Variants in RELN observed in about 807,000 individuals in gnomAD.
RELN encodes reelin.
Under a neutral mutation model 427.6 loss-of-function variants are expected in RELN, and 108 were observed. The observed-to-expected ratio is 0.25, with a 90% CI of 0.22 to 0.30. RELN has a LOEUF of 0.30. RELN is among the 10% of genes least tolerant of loss of function. The pLI is 1.00. For missense variants in RELN, 3,715 were observed against 4,302.8 expected, an observed-to-expected ratio of 0.86 and a Z score of 3.82; for synonymous variants, 1,524 against 1,513.4, an observed-to-expected ratio of 1.01 and a Z score of -0.16.
At chr7:103,946,676 T>C (rs1796226327) in intron 1 of RELN, among the ~76,000 whole-genome samples, 1 of 152,212 alleles carries the variant, frequency 6.6e-6, no homozygotes, top group Admixed American at 6.5e-5. Context: ...TGAATAACAA[T>C]AGAGTTGCTA....
chr7:103,970,043 C>T (rs1174128432), intron 1 of RELN, among the ~76,000 whole-genome samples: 3 of 152,120 alleles, frequency 2.0e-5, no homozygotes, highest in Non-Finnish European at 4.4e-5. Context: ...GGCAAAAAAT[C>T]TGAGTCACCG....
chr7:103,709,133 ATTATTATTAGCTTTTCTG>A (rs1789724515), intron 8 of RELN, among the ~76,000 whole-genome samples: 1 of 152,102 alleles, frequency 6.6e-6, no homozygotes, highest in African/African-American at 2.4e-5. Context: ...TAATACTATT[ATTATTATTAGCTTTTCTG>A]TAGTATCTAT....
intron 10 of RELN, among the ~76,000 whole-genome samples, chr7:103,684,290 C>T (rs1257815326): frequency 6.6e-6 from 1 of 152,080 alleles, no homozygotes; most frequent in Non-Finnish European, 1.5e-5. Context: ...TAGGATTGGG[C>T]ACAGCGGGCT....
chr7:103,485,204 G>A (rs910054946), intron 61 of RELN, among the ~76,000 whole-genome samples: 14 of 118,912 alleles, frequency 1.2e-4, no homozygotes, highest in Admixed American at 4.8e-4. Flanking sequence ...GTTATCTCTA[G>A]ATTAAGTATA....
At chr7:103,809,281 G>T (rs1465038023) in intron 3 of RELN, among the ~76,000 whole-genome samples, 1 of 152,150 alleles carries the variant, frequency 6.6e-6, no homozygotes, top group African/African-American at 2.4e-5. Flanking sequence ...ACTCAGTGAG[G>T]TACTGGAGGA....
chr7:103,650,489 T>A, intron 15 of RELN, 106 bp from the exon 16 acceptor site: 1 of 772,228 alleles, frequency 1.3e-6, no homozygotes, highest in Non-Finnish European at 2.3e-6. Flanking sequence ...GGAAAAGCAC[T>A]AAAGTTTACC....
intron 2 of RELN, among the ~76,000 whole-genome samples, chr7:103,857,763 G>C (rs933366923): frequency 3.9e-5 from 6 of 152,220 alleles, no homozygotes; most frequent in African/African-American, 1.4e-4. Flanking sequence ...CACCAATCAG[G>C]CAAATCCAGT....
intron 3 of RELN, among the ~76,000 whole-genome samples, chr7:103,831,115 T>A (rs1793263362): frequency 6.6e-6 from 1 of 152,118 alleles, no homozygotes; most frequent in Admixed American, 6.6e-5. Flanking sequence ...ACAGATTCAA[T>A]TAAAAACATA....
At chr7:103,801,916 CAGT>C (rs1792478611) in intron 3 of RELN, among the ~76,000 whole-genome samples, 2 of 152,102 alleles carry the variant, frequency 1.3e-5, no homozygotes, top group African/African-American at 4.8e-5. Flanking sequence ...CTAGCAGTAG[CAGT>C]AGTAGTAATA....
intron 6 of RELN, among the ~76,000 whole-genome samples, chr7:103,739,892 C>T (rs561301013): frequency 6.6e-6 from 1 of 152,172 alleles, no homozygotes; most frequent in African/African-American, 2.4e-5. Context: ...TGGCCCAGGA[C>T]TGGGAACAGC....
intron 2 of RELN, among the ~76,000 whole-genome samples, chr7:103,869,277 G>A (rs1225857929): frequency 6.6e-6 from 1 of 151,870 alleles, no homozygotes; most frequent in East Asian, 1.9e-4. Flanking sequence ...CTTTCTTTTA[G>A]GAAATTACAA....
intron 1 of RELN, among the ~76,000 whole-genome samples, chr7:103,958,124 AG>A (rs1320049986): frequency 6.6e-6 from 1 of 152,234 alleles, no homozygotes; most frequent in Non-Finnish European, 1.5e-5. Flanking sequence ...TAACTAAAGC[AG>A]GATGGTGCAC....
Position 103,641,932 on chromosome 7 carries a change from C to T in RELN, c.2003-1323G>A, listed in dbSNP as rs1174582530. ...ACCCATGTCATAGTTCAAAAAGCCT[C>T]CATCATGAAAAATTCAACAATAAAT... On this transcript the variant is annotated intron_variant, in intron 16 of 64. Coordinates refer to ENST00000428762, the MANE Select transcript of RELN (RefSeq NM_005045.4). Among the ~76,000 whole-genome samples, 6 of 152,188 alleles carry T rather than the reference C, an allele frequency of 3.9e-5. No homozygotes were observed. In the East Asian group the frequency reaches 9.7e-4, roughly 24 times the overall value.
intron 2 of RELN, among the ~76,000 whole-genome samples, chr7:103,893,099 G>GA (rs1794885048): frequency 1.3e-5 from 2 of 152,040 alleles, no homozygotes; most frequent in South Asian, 4.1e-4. Context: ...AGACAGAAGA[G>GA]AAAAAAATTA....
At chr7:103,483,020 C>A in intron 62 of RELN, 49 bp from the exon 63 acceptor site, 1 of 1,495,092 alleles carries the variant, frequency 6.7e-7, no homozygotes, top group Non-Finnish European at 9.3e-7. Flanking sequence ...GGAAACAGAA[C>A]TTTTTGGTAT....
At position 103,621,050 on chromosome 7, in the gene RELN, GC is replaced by G. The variant is rs576300609; in HGVS notation, c.2702+8889del. On this transcript the variant is annotated intron_variant, in intron 20 of 64. Transcript: ENST00000428762. ...CTTATTTAGAGCATACTCAAACAGA[GC>G]CATTTTAAGACTTTTGTAGGACCTC... Among the ~76,000 whole-genome samples the G allele has an allele frequency of 3.2e-3, 481 of 152,280 alleles. 1 individual carries two copies. The highest frequency in any genetic ancestry group is 0.011 in the African/African-American group (463 of 41,534).
rs189287281 is a variant in RELN at position 103,688,097 on chromosome 7, G to A, written c.1144-5836C>T. 3.2e-3 allele frequency among the ~76,000 whole-genome samples: 485 copies of A among 152,094 alleles called. 7 individuals are homozygous for A. Among genetic ancestry groups the A allele is most frequent in the African/African-American group, 0.011 (465 of 41,496 alleles). On this transcript the variant is annotated intron_variant, in intron 10 of 64. Coordinates refer to ENST00000428762, the MANE Select transcript of RELN (RefSeq NM_005045.4). ...GGAAACATGACAATAAGAGCAATAC[G>A]ATCCAAAGTGAAGAACATCCCAAGC...
At chr7:103,883,965 T>C (rs1794666928) in intron 2 of RELN, among the ~76,000 whole-genome samples, 2 of 151,998 alleles carry the variant, frequency 1.3e-5, no homozygotes, top group African/African-American at 4.8e-5. Context: ...AAAAAGTCCA[T>C]ATAGCCACGA....
intron 3 of RELN, among the ~76,000 whole-genome samples, chr7:103,809,338 C>T (rs1160322639): frequency 6.6e-6 from 1 of 151,938 alleles, no homozygotes; most frequent in African/African-American, 2.4e-5. Flanking sequence ...GGTGAGGGTG[C>T]AGGTAGTAGA....
Sources: allele counts gnomAD v4.1 joint callset (sites outside exome capture counted in the v4.1 genomes callset), GRCh38; gene constraint gnomAD v4.1.1; transcripts MANE v1.5; gene names NCBI Gene and HGNC (gene_info 2026-07-23, HGNC 2026-07-21).